Variants in NAV1 observed in about 807,000 individuals in gnomAD.
NAV1 encodes neuron navigator 1, also known as pore membrane and/or filament interacting like protein 3.
In NAV1, 18 loss-of-function variants were observed where a neutral mutation model predicts 175.2. The observed-to-expected ratio is 0.10, with a 90% CI of 0.07 to 0.15. NAV1 has a LOEUF of 0.15. Among genes scored for constraint, NAV1 ranks in the 10% least tolerant of loss-of-function variants. The pLI, the probability that NAV1 is intolerant of heterozygous loss-of-function variation, is 1.00. For missense variants in NAV1, 1,731 were observed against 2,436.6 expected, an observed-to-expected ratio of 0.71 and a Z score of 6.10; for synonymous variants, 897 against 978.7, an observed-to-expected ratio of 0.92 and a Z score of 1.56.
chr1:201,562,893 G>C (rs1298605895), intron 1 of NAV1, among the ~76,000 whole-genome samples: 1 of 152,330 alleles, frequency 6.6e-6, no homozygotes, highest in African/African-American at 2.4e-5. Context: ...CCTGGATGCT[G>C]TTGGATCACG....
chr1:201,647,886 C>A (rs973890110), upstream of NAV1, among the ~76,000 whole-genome samples: 2 of 152,176 alleles, frequency 1.3e-5, no homozygotes, highest in Non-Finnish European at 2.9e-5. Flanking sequence ...CACCTCCACA[C>A]CTCCTCAACA....
chr1:201,645,342 A>G (rs1255018651), upstream of NAV1, among the ~76,000 whole-genome samples: 14 of 142,174 alleles, frequency 9.8e-5, no homozygotes, highest in Non-Finnish European at 4.5e-5. Flanking sequence ...ACAGGTGGGA[A>G]TTGAACAATG....
rs1671094049 is a variant in NAV1, at chr1:201,694,321, T to A, written c.758-18496T>A. On this transcript the variant is annotated intron_variant, in intron 1 of 29. Coordinates refer to ENST00000367296, the Ensembl canonical transcript of NAV1. The surrounding 1 kb of genome is among the most constrained non-coding windows in gnomAD (Gnocchi z 4.2). ...GGGCAAAGGGACTCCCTTTGTTCTTTGAAGGAGGGAAAGGAAGTGCTGAAT... is the reference window on the plus strand; with the variant it reads ...GGGCAAAGGGACTCCCTTTGTTCTTAGAAGGAGGGAAAGGAAGTGCTGAAT... Among the ~76,000 whole-genome samples the A allele has an allele frequency of 6.6e-6, 1 of 152,180 alleles. No homozygotes were observed. Among genetic ancestry groups the A allele is most frequent in the East Asian group, 1.9e-4 (1 of 5,190 alleles).
chr1:201,775,287 C>T (rs1252317831), intron 3 of NAV1, among the ~76,000 whole-genome samples: 1 of 152,184 alleles, frequency 6.6e-6, no homozygotes, highest in African/African-American at 2.4e-5. Flanking sequence ...ATAAATAAAA[C>T]TTTGCATATT....
At chr1:201,628,103 T>C (rs1668385154) in intron 1 of NAV1, among the ~76,000 whole-genome samples, 1 of 148,466 alleles carries the variant, frequency 6.7e-6, no homozygotes, top group South Asian at 2.1e-4. Flanking sequence ...CATACCACTG[T>C]GCTCCAGCCT....
intron 1 of NAV1, among the ~76,000 whole-genome samples, chr1:201,666,581 G>A (rs1669833061): frequency 6.6e-6 from 1 of 152,192 alleles, no homozygotes; most frequent in Non-Finnish European, 1.5e-5. Flanking sequence ...AGCCAGGAGT[G>A]ATGGGCGGAG....
chr1:201,726,291 A>G (rs1672603141), intron 3 of NAV1, among the ~76,000 whole-genome samples: 1 of 152,212 alleles, frequency 6.6e-6, no homozygotes, highest in Non-Finnish European at 1.5e-5. Flanking sequence ...CCTTAAGAGG[A>G]TCAAATGGAA....
At chr1:201,680,344 T>C (rs1485727686) in intron 1 of NAV1, among the ~76,000 whole-genome samples, 1 of 151,944 alleles carries the variant, frequency 6.6e-6, no homozygotes, top group Non-Finnish European at 1.5e-5. Flanking sequence ...CCATCTCTAC[T>C]AAAAATACAA....
In NAV1 at chr1:201,810,664, C is replaced by T; in HGVS notation, c.4703C>T (p.Thr1568Ile). The T allele has an allele frequency of 6.2e-7, 1 of 1,614,156 alleles. No homozygotes were observed. Among genetic ancestry groups the T allele is most frequent in the Non-Finnish European group, 8.5e-7 (1 of 1,180,030 alleles). The stretch of plus-strand genomic sequence containing the variant: ...AGCGGCACGGGCAAGACCTACCTGA[C>T]CAATCGCTTGGCCGAGTACCTGGTG... The change falls in exon 24 of 30, where the codon ACC (threonine) becomes ATC (isoleucine). Residue 1568 changes from threonine to isoleucine, a missense_variant. This residue lies in a region of NAV1 where 115 missense variants were observed against 269.4 expected (regional missense o/e 0.43). Coordinates refer to ENST00000367296, the Ensembl canonical transcript of NAV1. The surrounding 1 kb of genome is among the most constrained non-coding windows in gnomAD (Gnocchi z 6.0).
chr1:201,808,271 A>G lies in NAV1; in HGVS notation c.3845+122A>G. ...TTATTACTGACCTCTCCCTGGGCAT[A>G]TGAGACCAACAGATGGACCTTTCTT... On this transcript the variant is annotated intron_variant, in intron 18 of 29. Coordinates refer to ENST00000367296, the Ensembl canonical transcript of NAV1. This position sits in a 1 kb window ranked among gnomAD's most constrained non-coding sequence, Gnocchi z 5.5. The G allele has an allele frequency of 7.2e-7, 1 of 1,398,158 alleles. No individual in the cohort carries two copies. The highest frequency in any genetic ancestry group is 9.8e-7 in the Non-Finnish European group (1 of 1,022,162). 86.6% of individuals were successfully genotyped at this position (1,398,158 alleles called of 1,614,324 possible).
intron 1 of NAV1, among the ~76,000 whole-genome samples, chr1:201,676,254 C>T (rs1054428912): frequency 6.6e-6 from 1 of 152,232 alleles, no homozygotes; most frequent in Non-Finnish European, 1.5e-5. Flanking sequence ...AGCAGCCACT[C>T]CCTCTGCTTT....
At chr1:201,809,050 C>A (rs1441429956) in intron 20 of NAV1, 114 bp from the exon 25 acceptor site, 1 of 1,299,718 alleles carries the variant, frequency 7.7e-7, no homozygotes, top group Non-Finnish European at 1.1e-6. Context: ...GAGTTTGGGA[C>A]CTCCATTCCT....
chr1:201,546,658 A>C (rs1665680546), intron 1 of NAV1, among the ~76,000 whole-genome samples: 1 of 152,064 alleles, frequency 6.6e-6, no homozygotes, highest in South Asian at 2.1e-4. Flanking sequence ...TAATCCCAGC[A>C]CTTTGGGAGG....
At chr1:201,555,742 G>C (rs1665990727) in intron 1 of NAV1, among the ~76,000 whole-genome samples, 1 of 151,884 alleles carries the variant, frequency 6.6e-6, no homozygotes, top group African/African-American at 2.4e-5. Flanking sequence ...GAAACACAGC[G>C]GCCTAATGGA....
At chr1:201,625,837 AG>A (rs1190804407) in intron 1 of NAV1, among the ~76,000 whole-genome samples, 1 of 152,240 alleles carries the variant, frequency 6.6e-6, no homozygotes, top group East Asian at 1.9e-4. Context: ...TTTTCCAAAG[AG>A]CTCAGAATTC....
intron 24 of NAV1, 103 bp from the exon 29 acceptor site, chr1:201,811,500 C>T: frequency 1.4e-6 from 2 of 1,408,802 alleles, no homozygotes; most frequent in Admixed American, 1.8e-5. Context: ...CTAAAGGCCC[C>T]AGGGGAATCT....
At chr1:201,610,586 T>C (rs1667816151) in intron 2 of NAV1, among the ~76,000 whole-genome samples, 1 of 152,230 alleles carries the variant, frequency 6.6e-6, no homozygotes, top group Non-Finnish European at 1.5e-5. Flanking sequence ...GATCTCCATG[T>C]CCTGCCTCTG....
At chr1:201,642,557 T>TCCTTCCTTCCTTCCTTCCTTCCTCTTTC (rs1553247081) in intron 2 of NAV1, among the ~76,000 whole-genome samples, 7 of 106,096 alleles carry the variant, frequency 6.6e-5, no homozygotes, top group African/African-American at 2.5e-4. Context: ...TTCTTTCTTT[T>TCCTTCCTTCCTTCCTTCCTTCCTCTTTC]TTCCCTTTCT....
chr1:201,623,100 C>T, exon 1 of NAV1: 1 of 986,018 alleles, frequency 1.0e-6, no homozygotes, highest in Non-Finnish European at 1.2e-6. Flanking sequence ...CTCCTAGGGC[C>T]TTCCGGGGGA....
Sources: allele counts gnomAD v4.1 joint callset (sites outside exome capture counted in the v4.1 genomes callset), GRCh38; gene constraint gnomAD v4.1.1; regional missense constraint gnomAD v4.1.1; non-coding constraint Gnocchi (gnomAD v3.1); transcripts MANE v1.5; gene names NCBI Gene and HGNC (gene_info 2026-07-23, HGNC 2026-07-21).